AK8: variants seen among roughly 807,000 people sequenced by gnomAD.
AK8 encodes adenylate kinase 8, also known as ATP-AMP transphosphorylase 8.
In AK8, 44 loss-of-function variants were observed where a neutral mutation model predicts 54.6. The observed-to-expected ratio is 0.81, with a 90% confidence interval of 0.63 to 1.04. AK8 has a LOEUF of 1.04. Ranked by LOEUF, AK8 falls within the 50% of genes least tolerant of loss-of-function variation. The probability of loss-of-function intolerance (pLI) is 0.00; values close to 1 mark genes in which losing one functional copy is unlikely to be tolerated. For synonymous variants in AK8, 239 were observed against 245.6 expected (o/e 0.97, Z 0.25); for missense variants, 555 against 613.6 (o/e 0.90, Z 1.01).
At chr9:132,831,624 A>T (rs914862880) in intron 5 of AK8, among the ~76,000 whole-genome samples, 14 of 152,254 alleles carry the variant, frequency 9.2e-5, no homozygotes. Context: ...CCTCTCAGCC[A>T]CTGGGAGACT....
intron 10 of AK8, among the ~76,000 whole-genome samples, chr9:132,798,985 C>T (rs995577834): frequency 2.0e-4 from 31 of 152,306 alleles, no homozygotes; most frequent in Admixed American, 1.7e-3. Flanking sequence ...ACAGGAGTCC[C>T]GACACCCATG....
chr9:132,852,872 G>A (rs1279171618), intron 5 of AK8, among the ~76,000 whole-genome samples: 1 of 151,524 alleles, frequency 6.6e-6, no homozygotes, highest in African/African-American at 2.4e-5. Flanking sequence ...AAGGGTGAAT[G>A]CTTTGTGTTA....
intron 11 of AK8, among the ~76,000 whole-genome samples, chr9:132,749,028 C>T (rs532026202): frequency 6.6e-6 from 1 of 151,918 alleles, no homozygotes; most frequent in Admixed American, 6.6e-5. Context: ...GTACCTGCCA[C>T]CAAGCCCGGC....
Position 132,814,278 on chromosome 9 carries a change from C to CAAAAA in AK8, c.979+355_979+359dup, listed in dbSNP as rs71376658. ...TGAGTGACAGATTGATACCCTGTCT[C>CAAAAA]AAAAAAAAAAAAAAAAAAAAAAAAA... On this transcript the variant is annotated intron_variant, in intron 10 of 12. Coordinates refer to ENST00000298545, the MANE Select transcript of AK8 (RefSeq NM_152572.3). Among the ~76,000 whole-genome samples, 31 of 63,890 alleles carry CAAAAA rather than the reference C, an allele frequency of 4.9e-4. 2 individuals carry two copies. The highest frequency in any genetic ancestry group is 5.7e-4 in the Non-Finnish European group (20 of 35,042). 41.9% of individuals were successfully genotyped at this position (63,890 alleles called of 152,430 possible).
intron 11 of AK8, among the ~76,000 whole-genome samples, chr9:132,738,493 A>G (rs988365014): frequency 6.6e-6 from 1 of 152,188 alleles, no homozygotes; most frequent in Non-Finnish European, 1.5e-5. Context: ...ATCACAATAA[A>G]TATGTCCTTT....
At chr9:132,871,629 T>G (rs1393215676) in intron 2 of AK8, among the ~76,000 whole-genome samples, 1 of 152,168 alleles carries the variant, frequency 6.6e-6, no homozygotes. Flanking sequence ...GGCCCCCAGC[T>G]AGAGACGGCA....
chr9:132,793,670 G>A (rs1023491372), intron 10 of AK8, among the ~76,000 whole-genome samples: 2 of 152,154 alleles, frequency 1.3e-5, no homozygotes, highest in Admixed American at 6.5e-5. Context: ...TTTACATTGC[G>A]GCAATTGACA....
At chr9:132,736,110 T>G (rs1837092200) in intron 11 of AK8, among the ~76,000 whole-genome samples, 1 of 152,122 alleles carries the variant, frequency 6.6e-6, no homozygotes, top group South Asian at 2.1e-4. Flanking sequence ...GGACCACCAT[T>G]GTATGTGTGG....
At chr9:132,815,517 C>A (rs571388255) in intron 9 of AK8, among the ~76,000 whole-genome samples, 17 of 151,752 alleles carry the variant, frequency 1.1e-4, no homozygotes, top group African/African-American at 4.1e-4. Flanking sequence ...CGCGTCACTG[C>A]GCTCCAGTCT....
rs566475218 is a variant in AK8 at position 132,858,292 on chromosome 9, G to T, written c.334-3367C>A. Among the ~76,000 whole-genome samples the T allele has an allele frequency of 4.2e-4, 64 of 152,348 alleles. 1 individual carries two copies. Among genetic ancestry groups the T allele is most frequent in the Middle Eastern group, 6.8e-3 (2 of 294 alleles). On this transcript the variant is annotated intron_variant, in intron 4 of 12. Coordinates refer to ENST00000298545, the MANE Select transcript of AK8 (RefSeq NM_152572.3). ...TGATCTCCTAGCCCTCCAAGGTGCC[G>T]CCCGCTGTTTTGCTGTTCTGAGGCA...
intron 5 of AK8, among the ~76,000 whole-genome samples, chr9:132,832,377 C>A (rs1842144975): frequency 6.6e-6 from 1 of 152,188 alleles, no homozygotes; most frequent in Non-Finnish European, 1.5e-5. Flanking sequence ...TTAGAAAGAG[C>A]AAACATCTAC....
rs561946799 is a variant in AK8 at position 132,839,638 on chromosome 9, C to T, written c.403-10912G>A. Among the ~76,000 whole-genome samples, 24 of 152,226 alleles carry T rather than the reference C, an allele frequency of 1.6e-4. No individual in the cohort carries two copies. In the South Asian group the frequency reaches 4.4e-3, roughly 28 times the overall value. On this transcript the variant is annotated intron_variant, in intron 5 of 12. Coordinates refer to ENST00000298545, the MANE Select transcript of AK8 (RefSeq NM_152572.3). ...GCCTAGCTTTTGTTAGTCACAGTGT[C>T]GCTTTGACTCCGGCAGGGGCTCTGA...
chr9:132,761,655 T>C (rs1487260102), intron 11 of AK8, among the ~76,000 whole-genome samples: 1 of 152,206 alleles, frequency 6.6e-6, no homozygotes, highest in Non-Finnish European at 1.5e-5. Context: ...ATAAAGTTGT[T>C]TGTAATATTT....
intron 11 of AK8, among the ~76,000 whole-genome samples, chr9:132,782,985 G>A (rs997778535): frequency 1.3e-5 from 2 of 152,178 alleles, no homozygotes. Context: ...GCAGAATAAT[G>A]CCTGCCCCCA....
At chr9:132,779,105 T>A (rs1839351073) in intron 11 of AK8, among the ~76,000 whole-genome samples, 1 of 151,534 alleles carries the variant, frequency 6.6e-6, no homozygotes, top group Admixed American at 6.6e-5. Context: ...AGAGAAAAAA[T>A]ATTTTTAAAA....
chr9:132,855,296 G>A (rs1222768479), intron 4 of AK8, among the ~76,000 whole-genome samples: 1 of 152,208 alleles, frequency 6.6e-6, no homozygotes, highest in Non-Finnish European at 1.5e-5. Context: ...ATCCTGGATG[G>A]AGAACTCTGT....
At chr9:132,771,244 G>A (rs2131089712) in intron 11 of AK8, among the ~76,000 whole-genome samples, 1 of 152,302 alleles carries the variant, frequency 6.6e-6, no homozygotes. Context: ...GAAGAGGTAG[G>A]CCAGGTGCAC....
chr9:132,782,580 T>C lies in AK8; in HGVS notation c.1121+10054A>G, dbSNP rs1839523882. 2.0e-5 allele frequency among the ~76,000 whole-genome samples: 3 copies of C among 152,078 alleles called. No homozygotes were observed. In the South Asian group the frequency reaches 6.2e-4, roughly 32 times the overall value. The stretch of plus-strand genomic sequence containing the variant: ...GGCACGCGCCTGTAATCCTAGCTAC[T>C]TGGGAGGCTGAGGCAGGAGAATCAC... On this transcript the variant is annotated intron_variant, in intron 11 of 12. Transcript: ENST00000298545.
intron 2 of AK8, among the ~76,000 whole-genome samples, chr9:132,869,853 G>A (rs890286978): frequency 3.5e-5 from 5 of 144,284 alleles, no homozygotes; most frequent in African/African-American, 7.6e-5. Flanking sequence ...CTTGGGCCAC[G>A]AGGCAGAGGG....
Sources: gnomAD v4.1 joint callset for allele counts (sites outside exome capture counted in the v4.1 genomes callset) on GRCh38, gnomAD v4.1.1 for gene constraint, MANE v1.5 for transcripts, NCBI Gene and HGNC (gene_info 2026-07-23, HGNC 2026-07-21) for gene names.